TTLL5: variants seen among roughly 807,000 people sequenced by gnomAD.
TTLL5 encodes tubulin polyglutamylase TTLL5.
TTLL5 carries 132 observed loss-of-function variants against 168.4 expected under a neutral mutation model. The observed-to-expected ratio is 0.78, with a 90% CI of 0.68 to 0.91. TTLL5 has a LOEUF of 0.91. Ranked by LOEUF, TTLL5 falls within the 40% of genes least tolerant of loss-of-function variation. TTLL5 has a pLI of 0.00. For missense variants in TTLL5, 1,545 were observed against 1,581.5 expected (o/e 0.98, Z 0.39); for synonymous variants, 546 against 558.6 (o/e 0.98, Z 0.32).
chr14:75,754,694 A>C (rs986772276), intron 18 of TTLL5, among the ~76,000 whole-genome samples: 2 of 152,216 alleles, frequency 1.3e-5, no homozygotes, highest in Non-Finnish European at 2.9e-5. Flanking sequence ...TCTAATACCT[A>C]CCGTAATTTC....
chr14:75,833,541 C>A (rs1895697985), intron 28 of TTLL5, among the ~76,000 whole-genome samples: 2 of 152,214 alleles, frequency 1.3e-5, no homozygotes. Context: ...TTGCCTAGGG[C>A]AAGTTCTTTG....
chr14:75,769,256 G>A (rs529033007), intron 20 of TTLL5, among the ~76,000 whole-genome samples: 11 of 152,240 alleles, frequency 7.2e-5, no homozygotes, highest in Admixed American at 3.9e-4. Context: ...CTCATTGTTC[G>A]GTGAAGTGTC....
rs549905614 is a variant in TTLL5, at chr14:75,904,294, T to G, written c.3823+2070T>G. ...AGTAAACCTTCACCTGGGATTGTTATGAACTGCGAAGTAATGGCACAAGGG... is the reference window on the plus strand; with the variant it reads ...AGTAAACCTTCACCTGGGATTGTTAGGAACTGCGAAGTAATGGCACAAGGG... On this transcript the variant is annotated intron_variant, in intron 31 of 31. Coordinates refer to ENST00000298832, the MANE Select transcript of TTLL5 (RefSeq NM_015072.5). The G allele has an allele frequency of 2.8e-6, 3 of 1,056,442 alleles. No homozygotes were observed. In the African/African-American group the frequency reaches 5.2e-5, roughly 18 times the overall value. The allele number at this position is 1,056,442 out of a possible 1,614,324, so 65.4% of individuals were successfully genotyped here. A position where few individuals can be genotyped will look rare whatever the true frequency, so the allele number is the denominator to read the frequency against.
intron 31 of TTLL5, among the ~76,000 whole-genome samples, chr14:75,940,422 G>T (rs988445714): frequency 6.6e-6 from 1 of 152,098 alleles, no homozygotes; most frequent in African/African-American, 2.4e-5. Context: ...CTTCATAAAA[G>T]AAACTCTCCT....
Position 75,937,100 on chromosome 14 carries a change from G to A in TTLL5, c.3824-17324G>A, listed in dbSNP as rs548291697. On this transcript the variant is annotated intron_variant, in intron 31 of 31. Transcript: ENST00000298832. ...TGTGCTGTTTCAACCATTTTTAAGT[G>A]TATGGCATTAAGTACATTTACATTT... Among the ~76,000 whole-genome samples the A allele has an allele frequency of 2.7e-5, 4 of 149,286 alleles. No homozygotes were observed. In the South Asian group the frequency reaches 8.6e-4, roughly 32 times the overall value.
At chr14:75,920,769 T>G (rs1237281833) in intron 31 of TTLL5, among the ~76,000 whole-genome samples, 2 of 152,230 alleles carry the variant, frequency 1.3e-5, no homozygotes, top group African/African-American at 4.8e-5. Flanking sequence ...TACCCAGTAA[T>G]GGGATCGCTG....
At chr14:75,906,891 G>T (rs1178490665) in intron 31 of TTLL5, among the ~76,000 whole-genome samples, 1 of 152,182 alleles carries the variant, frequency 6.6e-6, no homozygotes, top group Non-Finnish European at 1.5e-5. Flanking sequence ...AGTAGGTGGC[G>T]CTGTGGCAGT....
intron 6 of TTLL5, among the ~76,000 whole-genome samples, chr14:75,695,806 C>T (rs1885801124): frequency 7.8e-6 from 1 of 128,334 alleles, no homozygotes; most frequent in Admixed American, 7.7e-5. Flanking sequence ...CCCTGCCCTC[C>T]CCTCCCCTCC....
At position 75,783,384 on chromosome 14, in the gene TTLL5, T is replaced by C. The variant is rs1414464815; in HGVS notation, c.2840T>C (p.Leu947Pro). The change falls in exon 26 of 32, where the codon CTA (leucine) becomes CCA (proline). Residue 947 changes from leucine to proline, a missense_variant. By Grantham distance (98) the Leu-to-Pro change is moderately conservative. Coordinates refer to ENST00000298832, the MANE Select transcript of TTLL5 (RefSeq NM_015072.5). ...NTVSASASPC[L>P]HPGAQNIPSP... ...GTCTCTGCCAGTGCTTCTCCCTGCCTACATCCCGGGGCACAGAACATCCCA... is the reference window on the plus strand; with the variant it reads ...GTCTCTGCCAGTGCTTCTCCCTGCCCACATCCCGGGGCACAGAACATCCCA... 1 of 1,614,232 alleles carries C rather than the reference T, an allele frequency of 6.2e-7. No individual in the cohort carries two copies. Among genetic ancestry groups the C allele is most frequent in the East Asian group, 2.2e-5 (1 of 44,892 alleles).
intron 12 of TTLL5, among the ~76,000 whole-genome samples, chr14:75,724,272 G>GT (rs1888043138): frequency 1.3e-5 from 2 of 151,976 alleles, no homozygotes; most frequent in South Asian, 4.2e-4. Context: ...ATGTTTCCAG[G>GT]TATCTTCAAT....
chr14:75,667,342 C>G (rs1294871849), intron 2 of TTLL5, among the ~76,000 whole-genome samples: 1 of 152,186 alleles, frequency 6.6e-6, no homozygotes, highest in Admixed American at 6.5e-5. Context: ...TCCAGAGTTC[C>G]TGTCTGAGAC....
At chr14:75,779,469 T>C in intron 23 of TTLL5, 106 bp from the exon 24 acceptor site, 1 of 1,512,046 alleles carries the variant, frequency 6.6e-7, no homozygotes, top group Non-Finnish European at 8.9e-7. Context: ...AGCTTGTGCT[T>C]TTCATTTTTC....
intron 28 of TTLL5, among the ~76,000 whole-genome samples, chr14:75,827,044 C>G (rs966421847): frequency 2.0e-5 from 3 of 152,096 alleles, no homozygotes; most frequent in African/African-American, 7.2e-5. Flanking sequence ...GAAAAAACTC[C>G]CTGTATTTAT....
chr14:75,679,327 G>C (rs941013719), intron 3 of TTLL5, among the ~76,000 whole-genome samples: 2 of 152,194 alleles, frequency 1.3e-5, no homozygotes, highest in African/African-American at 2.4e-5. Context: ...TTCAAAGATA[G>C]AGGAAGGGGA....
intron 31 of TTLL5, among the ~76,000 whole-genome samples, chr14:75,929,175 TTAGCA>T (rs1042497608): frequency 6.6e-6 from 1 of 152,202 alleles, no homozygotes; most frequent in African/African-American, 2.4e-5. Context: ...ATAAAACTAA[TTAGCA>T]TAGCAGCAGC....
chr14:75,794,434 T>G (rs145750715), intron 27 of TTLL5, among the ~76,000 whole-genome samples: 2 of 141,380 alleles, frequency 1.4e-5, no homozygotes, highest in African/African-American at 5.2e-5. Context: ...GACATTGAGA[T>G]TTTGTGATTG....
At chr14:75,804,889 T>C (rs1484059519) in intron 27 of TTLL5, among the ~76,000 whole-genome samples, 2 of 151,916 alleles carry the variant, frequency 1.3e-5, no homozygotes, top group African/African-American at 2.4e-5. Context: ...CTAGCTTTTC[T>C]AGGTCTTGAG....
chr14:75,766,400 C>G lies in TTLL5; in HGVS notation c.2015+32C>G, dbSNP rs1280430004. 3 of 1,550,632 alleles carry G rather than the reference C, an allele frequency of 1.9e-6. No homozygotes were observed. The African/African-American group carries it at 4.1e-5, about 21-fold the overall frequency. ...ATCTTTTATAATTATATTAGTAAAA[C>G]TGATAACAGCTAACTTGTACTGTGT... On this transcript the variant is annotated intron_variant, in intron 20 of 31. Transcript: ENST00000298832.
chr14:75,868,733 T>C (rs539187701), intron 29 of TTLL5, among the ~76,000 whole-genome samples: 1 of 152,296 alleles, frequency 6.6e-6, no homozygotes, highest in African/African-American at 2.4e-5. Context: ...TAAAAGTTCA[T>C]TGCACGTGTC....
Sources: allele counts gnomAD v4.1 joint callset (sites outside exome capture counted in the v4.1 genomes callset), GRCh38; gene constraint gnomAD v4.1.1; transcripts MANE v1.5; gene names NCBI Gene and HGNC (gene_info 2026-07-23, HGNC 2026-07-21).